Variants in ASXL2 observed in about 807,000 individuals in gnomAD.
ASXL2 encodes the protein putative Polycomb group protein ASXL2.
A neutral mutation model predicts 122.0 loss-of-function variants in ASXL2; 23 were observed. That is an observed-to-expected ratio of 0.19 (90% CI 0.14 to 0.27). The LOEUF (loss-of-function observed/expected upper bound fraction) is 0.27. Among genes scored for constraint, ASXL2 ranks in the 10% least tolerant of loss-of-function variants. The pLI is 1.00. For synonymous variants in ASXL2, 650 were observed against 637.0 expected, an observed-to-expected ratio of 1.02 and a Z score of -0.31; for missense variants, 1,518 against 1,713.8, an observed-to-expected ratio of 0.89 and a Z score of 2.02.
At chr2:25,812,480 CAAA>C in intron 3 of ASXL2, among the ~76,000 whole-genome samples, 1 of 152,148 alleles carries the variant, frequency 6.6e-6, no homozygotes. Flanking sequence ...ACAACAATAA[CAAA>C]AAATGGATTG....
In ASXL2 at chr2:25,781,959, C is replaced by CTTTTTTTTTTTTTTTTTTTTT. The variant is rs1327580113; in HGVS notation, c.404-10420_404-10419insAAAAAAAAAAAAAAAAAAAAA. Among the ~76,000 whole-genome samples, 2 of 88,400 alleles carry CTTTTTTTTTTTTTTTTTTTTT rather than the reference C, an allele frequency of 2.3e-5. 1 individual carries two copies. Among genetic ancestry groups the CTTTTTTTTTTTTTTTTTTTTT allele is most frequent in the Non-Finnish European group, 4.7e-5 (2 of 42,690 alleles). 58.0% of individuals were successfully genotyped at this position (88,400 alleles called of 152,430 possible). A position where few individuals can be genotyped will look rare whatever the true frequency, so the allele number is the denominator to read the frequency against. On this transcript the variant is annotated intron_variant, in intron 5 of 12. Coordinates refer to ENST00000435504, the MANE Select transcript of ASXL2 (RefSeq NM_018263.6). ...TAACAGGCGTGAGCCACCGCCCGGG[C>CTTTTTTTTTTTTTTTTTTTTT]TTTTTTCTTTTTTTTTTTTTTTTTT... is the stretch of plus-strand genomic sequence containing the variant.
chr2:25,790,176 T>G (rs2088809360), intron 5 of ASXL2, among the ~76,000 whole-genome samples: 2 of 151,926 alleles, frequency 1.3e-5, no homozygotes, highest in Admixed American at 1.3e-4. Flanking sequence ...GCAAGAACAT[T>G]TAGGTACTTT....
chr2:25,797,329 C>T (rs1559513836), intron 5 of ASXL2, among the ~76,000 whole-genome samples: 1 of 152,150 alleles, frequency 6.6e-6, no homozygotes, highest in Non-Finnish European at 1.5e-5. Context: ...CCTGTAATCC[C>T]AGCTACTCGG....
chr2:25,787,330 T>G (rs1172439593), intron 5 of ASXL2, among the ~76,000 whole-genome samples: 1 of 152,240 alleles, frequency 6.6e-6, no homozygotes, highest in Non-Finnish European at 1.5e-5. Flanking sequence ...CTAATGTTTC[T>G]TGGCTGAGAT....
chr2:25,802,640 A>G (rs1403283382), intron 4 of ASXL2, among the ~76,000 whole-genome samples: 1 of 152,154 alleles, frequency 6.6e-6, no homozygotes, highest in Non-Finnish European at 1.5e-5. Context: ...GAGCTACTGC[A>G]TAGTCTCAGG....
intron 1 of ASXL2, among the ~76,000 whole-genome samples, chr2:25,862,200 T>A (rs1211010359): frequency 6.6e-6 from 1 of 152,232 alleles, no homozygotes; most frequent in Non-Finnish European, 1.5e-5. Flanking sequence ...TAAATCTATG[T>A]ATGTCTAGGA....
chr2:25,839,835 TA>T (rs553605782), intron 2 of ASXL2, among the ~76,000 whole-genome samples: 4 of 151,782 alleles, frequency 2.6e-5, no homozygotes, highest in African/African-American at 9.6e-5. Flanking sequence ...TAATACCTCA[TA>T]TATTCATAGG....
Position 25,815,059 on chromosome 2 carries a change from C to G in ASXL2, c.144-8722G>C, listed in dbSNP as rs114626694. Among the ~76,000 whole-genome samples, 408 of 152,224 alleles carry G rather than the reference C, an allele frequency of 2.7e-3. 3 individuals carry two copies. Among genetic ancestry groups the G allele is most frequent in the African/African-American group, 9.4e-3 (391 of 41,538 alleles). On this transcript the variant is annotated intron_variant, in intron 3 of 12. Coordinates refer to ENST00000435504, the MANE Select transcript of ASXL2 (RefSeq NM_018263.6). ...TTACTTTACCAACTTACTATCCTACCCTAGTCTGGCAGTGTTCCAGTGTTC... is the reference window on the plus strand; with the variant it reads ...TTACTTTACCAACTTACTATCCTACGCTAGTCTGGCAGTGTTCCAGTGTTC...
intron 5 of ASXL2, among the ~76,000 whole-genome samples, chr2:25,772,729 C>CAA (rs70950119): frequency 3.4e-5 from 2 of 58,974 alleles, no homozygotes; most frequent in African/African-American, 6.5e-5. Flanking sequence ...AACTTGGTCT[C>CAA]AAAAAAAAAA....
Position 25,843,814 on chromosome 2 carries a change from T to TAAAAAAAA in ASXL2, c.140+1659_140+1666dup, listed in dbSNP as rs541446675. ...GGCAACATAATGAGACTCCATCTCT[T>TAAAAAAAA]AAAAAAAAAAAAAAAAAAGAAAGAA... is the stretch of plus-strand genomic sequence containing the variant. On this transcript the variant is annotated intron_variant, in intron 2 of 12. Transcript: ENST00000435504. 1.7e-3 allele frequency among the ~76,000 whole-genome samples: 145 copies of TAAAAAAAA among 86,436 alleles called. 2 individuals are homozygous for TAAAAAAAA. The highest frequency in any genetic ancestry group is 6.2e-3 in the African/African-American group (131 of 21,156). 56.7% of individuals were successfully genotyped at this position (86,436 alleles called of 152,430 possible). A position where few individuals can be genotyped will look rare whatever the true frequency, so the allele number is the denominator to read the frequency against.
At chr2:25,849,449 A>G (rs2089691497) in intron 1 of ASXL2, among the ~76,000 whole-genome samples, 1 of 111,632 alleles carries the variant, frequency 9.0e-6, no homozygotes, top group Non-Finnish European at 1.8e-5. Flanking sequence ...TGAGACTCTG[A>G]CTCAAAAAAA....
chr2:25,810,094 A>G (rs1026930671), intron 3 of ASXL2: 11 of 551,158 alleles, frequency 2.0e-5, no homozygotes, highest in Non-Finnish European at 3.6e-5. Flanking sequence ...GTTTATCAGT[A>G]AGAATCTTGA....
intron 3 of ASXL2, among the ~76,000 whole-genome samples, chr2:25,816,694 A>T (rs2089240243): frequency 1.3e-5 from 2 of 152,260 alleles, no homozygotes; most frequent in Non-Finnish European, 2.9e-5. Context: ...TGACCAATAA[A>T]GCAAGCACTA....
chr2:25,759,616 T>C lies in ASXL2; in HGVS notation c.805A>G (p.Ile269Val), dbSNP rs771980326. 1 of 1,613,408 alleles carries C rather than the reference T, an allele frequency of 6.2e-7. No individual in the cohort carries two copies. The highest frequency in any genetic ancestry group is 8.5e-7 in the Non-Finnish European group (1 of 1,179,476). The change falls in exon 9 of 13, where the codon ATT (isoleucine) becomes GTT (valine). Residue 269 changes from isoleucine (I) to valine (V), a missense_variant. Ile to Val is a conservative substitution (Grantham distance 29). Coordinates refer to ENST00000435504, the MANE Select transcript of ASXL2 (RefSeq NM_018263.6). ...ATGGAGTCCGGTGTCTCAACGTCAATGTCAGCACATTTAGTTCTTTTCATT... is the reference window on the plus strand; with the variant it reads ...ATGGAGTCCGGTGTCTCAACGTCAACGTCAGCACATTTAGTTCTTTTCATT... ...RQMKRTKCADIDVETPDSILV... is the reference protein window; with the variant it reads ...RQMKRTKCADVDVETPDSILV...
At position 25,738,898 on chromosome 2, in the gene ASXL2, A is replaced by G. The variant is rs2149133835; in HGVS notation, c.*3131T>C. 1 of 152,336 alleles carries G rather than the reference A, an allele frequency of 6.6e-6. No homozygotes were observed. The highest frequency in any genetic ancestry group is 3.4e-3 in the Middle Eastern group (1 of 294). 9.4% of individuals were successfully genotyped at this position (152,336 alleles called of 1,614,324 possible). A position where few individuals can be genotyped will look rare whatever the true frequency, so the allele number is the denominator to read the frequency against. On this transcript the variant is annotated 3_prime_UTR_variant, in exon 13 of 13. Transcript: ENST00000435504. ...AGAAATGTTACATGAAATACCACAG[A>G]TAGCTTCAGTATCTTGAGCATAGGG... is the stretch of plus-strand genomic sequence containing the variant.
At chr2:25,756,937 TTGAG>T (rs2088145242) in intron 9 of ASXL2, among the ~76,000 whole-genome samples, 3 of 152,220 alleles carry the variant, frequency 2.0e-5, no homozygotes, top group African/African-American at 7.2e-5. Context: ...CAGTCTCTAC[TTGAG>T]TATTACAGTG....
At chr2:25,784,683 C>T (rs949185966) in intron 5 of ASXL2, among the ~76,000 whole-genome samples, 2 of 152,220 alleles carry the variant, frequency 1.3e-5, no homozygotes, top group African/African-American at 2.4e-5. Context: ...AGCAGCATCA[C>T]TTCAACCTCG....
chr2:25,836,157 G>T (rs763416067), intron 2 of ASXL2, among the ~76,000 whole-genome samples: 1 of 152,150 alleles, frequency 6.6e-6, no homozygotes, highest in Non-Finnish European at 1.5e-5. Context: ...AAGCAGGATT[G>T]CTTGAGCCCA....
chr2:25,811,854 C>T (rs1207484837), intron 3 of ASXL2, among the ~76,000 whole-genome samples: 9 of 152,040 alleles, frequency 5.9e-5, no homozygotes, highest in African/African-American at 1.7e-4. Flanking sequence ...CGGGTTCAAG[C>T]GATTCTCCTG....
Sources: gnomAD v4.1 joint callset for allele counts (sites outside exome capture counted in the v4.1 genomes callset) on GRCh38, gnomAD v4.1.1 for gene constraint, MANE v1.5 for transcripts, NCBI Gene and HGNC (gene_info 2026-07-23, HGNC 2026-07-21) for gene names.